PRELID2: variants seen among roughly 807,000 people sequenced by gnomAD.
The protein encoded by PRELID2 is PRELI domain-containing protein 2.
Under a neutral mutation model 28.4 loss-of-function variants are expected in PRELID2, and 25 were observed. That is an observed-to-expected ratio of 0.88 (90% CI 0.64 to 1.23). The LOEUF is 1.23. Ranked by LOEUF, PRELID2 falls within the 50% of genes most tolerant of loss-of-function variation. The probability of loss-of-function intolerance (pLI) is 0.00; values close to 1 mark genes in which losing one functional copy is unlikely to be tolerated. For synonymous variants in PRELID2, 76 were observed against 71.6 expected (o/e 1.06, Z -0.31); for missense variants, 201 against 214.4 (o/e 0.94, Z 0.39).
intron 1 of PRELID2, among the ~76,000 whole-genome samples, chr5:145,575,292 C>A (rs1005531336): frequency 6.6e-6 from 1 of 152,202 alleles, no homozygotes; most frequent in Non-Finnish European, 1.5e-5. Flanking sequence ...ATTAACCTGA[C>A]ATCTACAGGA....
the PRELID2 span, among the ~76,000 whole-genome samples, chr5:145,324,455 T>C: frequency 6.6e-6 from 1 of 152,208 alleles, no homozygotes; most frequent in Non-Finnish European, 1.5e-5. Context: ...ACAACTGACA[T>C]GTTCAAATTG....
At chr5:145,491,718 G>A (rs1046626817) in intron 1 of PRELID2, among the ~76,000 whole-genome samples, 1 of 150,590 alleles carries the variant, frequency 6.6e-6, no homozygotes, top group African/African-American at 2.5e-5. Context: ...AGTACCCCCT[G>A]ACCCTGGTAA....
the PRELID2 span, chr5:145,440,817 C>G: frequency 1.3e-5 from 2 of 151,976 alleles, no homozygotes; most frequent in African/African-American, 4.8e-5. Context: ...GTTTCAGAAA[C>G]TTTTAATGAA....
intron 1 of PRELID2, among the ~76,000 whole-genome samples, chr5:145,697,284 T>C (rs1051364032): frequency 1.3e-5 from 2 of 151,866 alleles, no homozygotes; most frequent in African/African-American, 4.8e-5. Context: ...GGAGTGCTAT[T>C]CATGCTTCTC....
the PRELID2 span, among the ~76,000 whole-genome samples, chr5:145,345,118 C>T: frequency 6.6e-6 from 1 of 152,192 alleles, no homozygotes; most frequent in South Asian, 2.1e-4. Flanking sequence ...TACTCCAGCA[C>T]TTTTCTGTTT....
intron 5 of PRELID2, among the ~76,000 whole-genome samples, chr5:145,780,640 T>C (rs1470767395): frequency 6.6e-6 from 1 of 152,208 alleles, no homozygotes; most frequent in Non-Finnish European, 1.5e-5. Flanking sequence ...TTAAAAGTCT[T>C]TTTAGGAGGA....
At chr5:145,432,275 T>C in the PRELID2 span, among the ~76,000 whole-genome samples, 1 of 152,028 alleles carries the variant, frequency 6.6e-6, no homozygotes, top group African/African-American at 2.4e-5. Context: ...TCCTTTTGGC[T>C]GTTGTAGTTT....
At chr5:145,455,489 T>C in the PRELID2 span, among the ~76,000 whole-genome samples, 17 of 152,326 alleles carry the variant, frequency 1.1e-4, no homozygotes, top group South Asian at 4.1e-4. Flanking sequence ...AGAAAGTCAA[T>C]GGTAGCTTGG....
chr5:145,540,629 A>T (rs1752737812), intron 1 of PRELID2, among the ~76,000 whole-genome samples: 2 of 151,512 alleles, frequency 1.3e-5, no homozygotes, highest in African/African-American at 4.8e-5. Context: ...GGAAATCACC[A>T]GCCAAGCCCC....
At chr5:145,265,842 T>C in the PRELID2 span, among the ~76,000 whole-genome samples, 2 of 152,308 alleles carry the variant, frequency 1.3e-5, no homozygotes, top group Middle Eastern at 3.4e-3. Context: ...ATCTAAGACC[T>C]GAAACCATAA....
chr5:145,298,368 G>A, the PRELID2 span, among the ~76,000 whole-genome samples: 2 of 152,124 alleles, frequency 1.3e-5, no homozygotes, highest in African/African-American at 2.4e-5. Flanking sequence ...AAACAATGGG[G>A]AAAGGATTCC....
At chr5:145,715,392 G>A (rs1583286) in intron 1 of PRELID2, among the ~76,000 whole-genome samples, 16,679 of 151,948 alleles carry the variant, frequency 0.11, 966 homozygotes, top group South Asian at 0.13. Context: ...AGCTGCCATC[G>A]CCTCTTGCCT....
intron 1 of PRELID2, among the ~76,000 whole-genome samples, chr5:145,724,596 AATAAATATATATATATATAT>A (rs1756079395): frequency 3.5e-5 from 1 of 28,354 alleles, no homozygotes; most frequent in Non-Finnish European, 7.6e-5. Flanking sequence ...ACAAGAAGTA[AATAAATATATATATATATAT>A]ATATATATAT....
chr5:145,613,706 T>C (rs753476979), intron 1 of PRELID2, among the ~76,000 whole-genome samples: 1 of 152,136 alleles, frequency 6.6e-6, no homozygotes, highest in East Asian at 1.9e-4. Context: ...TTTGAGTTCA[T>C]TGTAGATTTT....
At chr5:145,296,399 T>A in the PRELID2 span, among the ~76,000 whole-genome samples, 64 of 139,104 alleles carry the variant, frequency 4.6e-4, no homozygotes, top group African/African-American at 1.6e-3. Flanking sequence ...TGTCCATGTG[T>A]TCTCATTGTT....
At chr5:145,481,650 A>AAAAAAAAAAAAAAAAAAAAAAAAAAAG (rs1752162758) in intron 1 of PRELID2, among the ~76,000 whole-genome samples, 4 of 117,846 alleles carry the variant, frequency 3.4e-5, no homozygotes, top group East Asian at 2.2e-4. Context: ...AAAAAAAAAA[A>AAAAAAAAAAAAAAAAAAAAAAAAAAAG]AAAGAAAGAA....
chr5:145,828,260 A>G (rs905207962), intron 1 of PRELID2, among the ~76,000 whole-genome samples: 26 of 152,194 alleles, frequency 1.7e-4, no homozygotes, highest in Non-Finnish European at 3.5e-4. Flanking sequence ...TAATTACAGT[A>G]TAATACCTAG....
At chr5:145,635,519 C>T (rs1257127425) in intron 1 of PRELID2, among the ~76,000 whole-genome samples, 1 of 152,208 alleles carries the variant, frequency 6.6e-6, no homozygotes, top group African/African-American at 2.4e-5. Flanking sequence ...AGCATCCCCA[C>T]TTGAAGAAGA....
At chr5:145,463,091 TTTAA>T in the PRELID2 span, among the ~76,000 whole-genome samples, 209 of 152,276 alleles carry the variant, frequency 1.4e-3, no homozygotes, top group African/African-American at 4.6e-3. Context: ...AAAATGATTG[TTTAA>T]TTATGTGGAA....
Sources: gnomAD v4.1 joint callset for allele counts (sites outside exome capture counted in the v4.1 genomes callset) on GRCh38, gnomAD v4.1.1 for gene constraint, MANE v1.5 for transcripts, NCBI Gene and HGNC (gene_info 2026-07-23, HGNC 2026-07-21) for gene names.